HDAC4: variants seen among roughly 807,000 people sequenced by gnomAD.
HDAC4 encodes the protein histone deacetylase A.
HDAC4 carries 16 observed loss-of-function variants against 135.1 expected under a neutral mutation model. The ratio of observed to expected loss-of-function variants is 0.12; its 90% CI spans 0.08 to 0.18. The LOEUF is 0.18. HDAC4 is among the 10% of genes least tolerant of loss of function. HDAC4 has a pLI of 1.00. For synonymous variants in HDAC4, 685 were observed against 653.4 expected (o/e 1.05, Z -0.74); for missense variants, 1,143 against 1,511.8 (o/e 0.76, Z 4.05).
intron 16 of HDAC4, among the ~76,000 whole-genome samples, chr2:239,102,074 T>A (rs2037712960): frequency 9.8e-6 from 1 of 102,496 alleles, no homozygotes; most frequent in Non-Finnish European, 2.2e-5. Flanking sequence ...GTCCACGTTC[T>A]GTGCCCTGGA....
intron 2 of HDAC4, among the ~76,000 whole-genome samples, chr2:239,269,181 TCA>T (rs1387180873): frequency 6.6e-6 from 1 of 150,888 alleles, no homozygotes; most frequent in African/African-American, 2.4e-5. Context: ...ACACCCACAT[TCA>T]CACACCCACA....
At chr2:239,278,539 G>A (rs1253956163) in intron 2 of HDAC4, among the ~76,000 whole-genome samples, 1 of 152,176 alleles carries the variant, frequency 6.6e-6, no homozygotes, top group Non-Finnish European at 1.5e-5. Flanking sequence ...GCCGGGCATG[G>A]TGATGAGCAG....
chr2:239,178,235 CCA>C (rs1023828780), intron 4 of HDAC4, among the ~76,000 whole-genome samples: 1 of 152,162 alleles, frequency 6.6e-6, no homozygotes, highest in Non-Finnish European at 1.5e-5. Flanking sequence ...TCTGCTGTCC[CCA>C]GTGATTGTTC....
At chr2:239,374,954 C>G (rs1434638859) in intron 1 of HDAC4, among the ~76,000 whole-genome samples, 1 of 152,194 alleles carries the variant, frequency 6.6e-6, no homozygotes, top group Non-Finnish European at 1.5e-5. Context: ...GAGGGACGGT[C>G]CCTAAGGCTC....
At chr2:239,292,576 C>T (rs1043232681) in intron 2 of HDAC4, among the ~76,000 whole-genome samples, 2 of 152,204 alleles carry the variant, frequency 1.3e-5, no homozygotes, top group African/African-American at 4.8e-5. Flanking sequence ...ATCTAAAATG[C>T]ATCTCTTTAC....
At chr2:239,268,069 T>C (rs1040112675) in intron 2 of HDAC4, among the ~76,000 whole-genome samples, 10 of 152,250 alleles carry the variant, frequency 6.6e-5, no homozygotes, top group African/African-American at 2.4e-4. Flanking sequence ...ACCAGAATAA[T>C]CAGAAAATGT....
intron 2 of HDAC4, among the ~76,000 whole-genome samples, chr2:239,294,717 C>T (rs931549089): frequency 3.3e-5 from 5 of 150,538 alleles, no homozygotes; most frequent in Non-Finnish European, 5.9e-5. Flanking sequence ...GGGCCTGCCT[C>T]GGAGGCCTCG....
rs142541072 is a variant in HDAC4 at position 239,223,768 on chromosome 2, C to T, written c.94+12825G>A. ...CACACTCTCTGCCCAGCAAAGATCCCGGAGCCAGTAACTCTCTTGCCAGCA... is the reference window on the plus strand; with the variant it reads ...CACACTCTCTGCCCAGCAAAGATCCTGGAGCCAGTAACTCTCTTGCCAGCA... On this transcript the variant is annotated intron_variant, in intron 3 of 26. Coordinates refer to ENST00000543185, the MANE Select transcript of HDAC4 (RefSeq NM_001378414.1). 5.5e-4 allele frequency among the ~76,000 whole-genome samples: 84 copies of T among 151,936 alleles called. 1 individual carries two copies. The highest frequency in any genetic ancestry group is 1.8e-3 in the Admixed American group (27 of 15,270).
intron 1 of HDAC4, among the ~76,000 whole-genome samples, chr2:239,378,534 T>A (rs1695185802): frequency 6.6e-6 from 1 of 152,058 alleles, no homozygotes; most frequent in Admixed American, 6.6e-5. Context: ...GAGGTCCCTG[T>A]CCTCACCTCC....
chr2:239,300,167 T>G (rs577367644), intron 2 of HDAC4, among the ~76,000 whole-genome samples: 2 of 152,268 alleles, frequency 1.3e-5, no homozygotes, highest in Non-Finnish European at 2.9e-5. Context: ...GGCTGTGCGC[T>G]GTGAACCTAC....
At chr2:239,230,074 C>T (rs2047452264) in intron 3 of HDAC4, among the ~76,000 whole-genome samples, 1 of 152,134 alleles carries the variant, frequency 6.6e-6, no homozygotes, top group African/African-American at 2.4e-5. Context: ...GGGAATCTTA[C>T]TGCTGTGTCT....
intron 24 of HDAC4, among the ~76,000 whole-genome samples, chr2:239,065,978 A>C (rs533658844): frequency 1.3e-5 from 2 of 152,290 alleles, no homozygotes; most frequent in Admixed American, 6.5e-5. Context: ...TGTGTCACAC[A>C]CTTCAGACAC....
At chr2:239,185,525 G>A (rs2044492112) in intron 4 of HDAC4, among the ~76,000 whole-genome samples, 1 of 151,980 alleles carries the variant, frequency 6.6e-6, no homozygotes, top group Admixed American at 6.5e-5. Context: ...CACAGTGTGG[G>A]GGGTGCCCTG....
At chr2:239,150,807 C>A (rs2042074241) in intron 7 of HDAC4, among the ~76,000 whole-genome samples, 1 of 151,532 alleles carries the variant, frequency 6.6e-6, no homozygotes, top group Non-Finnish European at 1.5e-5. Flanking sequence ...GAAGTATATA[C>A]CGCACCTCCT....
intron 16 of HDAC4, among the ~76,000 whole-genome samples, chr2:239,098,749 G>T (rs1026592729): frequency 6.6e-6 from 1 of 152,204 alleles, no homozygotes; most frequent in East Asian, 1.9e-4. Flanking sequence ...CCTCATTAGG[G>T]TTATGTTCAC....
Position 239,095,015 on chromosome 2 carries a change from C to T in HDAC4, c.2275G>A (p.Val759Ile), listed in dbSNP as rs151043798. 589 of 1,613,864 alleles carry T rather than the reference C, an allele frequency of 3.6e-4. No individual in the cohort carries two copies. Among genetic ancestry groups the T allele is most frequent in the Non-Finnish European group, 4.8e-4 (568 of 1,180,022 alleles). The part of the protein sequence containing the change: ...SVFVRLPCGG[V>I]GVDSDTIWNE... ...CACATTAAAGGAACACTTACCCCAACACCACCGCAAGGGAGCCGGACGAAC... is the reference window on the plus strand; with the variant it reads ...CACATTAAAGGAACACTTACCCCAATACCACCGCAAGGGAGCCGGACGAAC... The change falls in exon 17 of 27, where the codon GTT becomes ATT. Residue 759 changes from valine (V) to isoleucine (I), a missense_variant. Coordinates refer to ENST00000543185, the MANE Select transcript of HDAC4 (RefSeq NM_001378414.1).
chr2:239,163,269 T>C (rs1176124101), intron 6 of HDAC4, among the ~76,000 whole-genome samples: 1 of 152,216 alleles, frequency 6.6e-6, no homozygotes, highest in Non-Finnish European at 1.5e-5. Context: ...GTGGGAGCGC[T>C]GTCGGAGCAC....
At chr2:239,135,353 A>G (rs1210896618) in intron 9 of HDAC4, among the ~76,000 whole-genome samples, 1 of 152,208 alleles carries the variant, frequency 6.6e-6, no homozygotes, top group African/African-American at 2.4e-5. Flanking sequence ...CAGCACAGAG[A>G]GCTTGCAAAT....
intron 2 of HDAC4, among the ~76,000 whole-genome samples, chr2:239,268,286 C>T (rs910414665): frequency 9.0e-5 from 13 of 143,838 alleles, no homozygotes; most frequent in Non-Finnish European, 1.9e-4. Context: ...GGGCCAGGCC[C>T]CACTGACAGC....
Sources: allele counts gnomAD v4.1 joint callset (sites outside exome capture counted in the v4.1 genomes callset), GRCh38; gene constraint gnomAD v4.1.1; transcripts MANE v1.5; gene names NCBI Gene and HGNC (gene_info 2026-07-23, HGNC 2026-07-21).